Variants in SENP6 observed in about 807,000 individuals in gnomAD.
SENP6 encodes SUMO specific peptidase 6.
SENP6 carries 41 observed loss-of-function variants against 134.5 expected under a neutral mutation model. That is an observed-to-expected ratio of 0.30 (90% CI 0.24 to 0.40). SENP6 has a LOEUF of 0.40. Among genes scored for constraint, SENP6 ranks in the 10% least tolerant of loss-of-function variants. The pLI is 1.00. For missense variants in SENP6, 1,248 were observed against 1,312.5 expected (o/e 0.95, Z 0.76); for synonymous variants, 395 against 429.8 (o/e 0.92, Z 1.00).
intron 3 of SENP6, among the ~76,000 whole-genome samples, chr6:75,631,689 C>T (rs762083083): frequency 6.6e-6 from 1 of 152,180 alleles, no homozygotes; most frequent in South Asian, 2.1e-4. Context: ...TGTGCTACAA[C>T]AACAGATTTG....
intron 2 of SENP6, among the ~76,000 whole-genome samples, chr6:75,622,089 C>T (rs1362126732): frequency 6.6e-6 from 1 of 152,054 alleles, no homozygotes; most frequent in African/African-American, 2.4e-5. Context: ...AGATTCTCAC[C>T]AGAGAAAGCA....
intron 16 of SENP6, among the ~76,000 whole-genome samples, chr6:75,689,385 C>T (rs1017591150): frequency 1.3e-5 from 2 of 152,102 alleles, no homozygotes; most frequent in Non-Finnish European, 2.9e-5. Flanking sequence ...ACAGTGTCAT[C>T]TCACATCCAT....
At chr6:75,665,091 C>T (rs1772095038) in intron 9 of SENP6, among the ~76,000 whole-genome samples, 1 of 152,010 alleles carries the variant, frequency 6.6e-6, no homozygotes, top group Non-Finnish European at 1.5e-5. Context: ...TCAAGACCAT[C>T]CTGGTTAACA....
chr6:75,681,272 T>C (rs1245386413), intron 16 of SENP6, among the ~76,000 whole-genome samples: 1 of 152,084 alleles, frequency 6.6e-6, no homozygotes, highest in East Asian at 1.9e-4. Context: ...TTTATAAAAG[T>C]GTGTAGCACC....
At chr6:75,687,018 C>T (rs1773889863) in intron 16 of SENP6, among the ~76,000 whole-genome samples, 2 of 152,218 alleles carry the variant, frequency 1.3e-5, no homozygotes, top group South Asian at 4.1e-4. Context: ...TTCTCCCCGT[C>T]ACTTTCAGGT....
intron 6 of SENP6, among the ~76,000 whole-genome samples, chr6:75,644,475 CTTTT>C (rs71002753): frequency 7.0e-6 from 1 of 143,476 alleles, no homozygotes; most frequent in African/African-American, 2.6e-5. Flanking sequence ...TTCTTTCTTT[CTTTT>C]TTTTTTTTTT....
rs761665170 is a variant in SENP6 at position 75,695,916 on chromosome 6, A to C, written c.2188A>C (p.Asn730His). The C allele has an allele frequency of 6.3e-7, 1 of 1,597,170 alleles. No individual in the cohort carries two copies. The highest frequency in any genetic ancestry group is 1.7e-4 in the Middle Eastern group (1 of 5,950). ...AGAGAGGAGAAATCATGAAACAACT[A>C]ATCTGTCGTAAGTCAAACTCTGAAA... Reference protein sequence around the residue: ...QRERRNHETTNLSIQQKRHGR... With the variant: ...QRERRNHETTHLSIQQKRHGR... Residue 730 changes from asparagine to histidine, a missense_variant, in exon 17 of 24, where the codon AAT becomes CAT. By Grantham distance (68) the Asn-to-His change is moderately conservative. Around this residue, in one of 3 missense-constraint regions of SENP6, gnomAD observed 129 missense variants for 192.0 expected, o/e 0.67. Coordinates refer to ENST00000447266, the MANE Select transcript of SENP6 (RefSeq NM_015571.4).
intron 1 of SENP6, among the ~76,000 whole-genome samples, chr6:75,609,338 AAGC>A (rs1251109697): frequency 6.6e-6 from 1 of 152,232 alleles, no homozygotes; most frequent in Non-Finnish European, 1.5e-5. Context: ...TTTATTGATG[AAGC>A]AGCACTTTTA....
intron 3 of SENP6, among the ~76,000 whole-genome samples, chr6:75,631,316 A>G (rs763501379): frequency 6.6e-6 from 1 of 152,184 alleles, no homozygotes; most frequent in Non-Finnish European, 1.5e-5. Context: ...ATTTTCACAT[A>G]TTTAGTATTC....
chr6:75,705,729 A>T (rs978984392), intron 19 of SENP6, among the ~76,000 whole-genome samples: 2 of 147,562 alleles, frequency 1.4e-5, no homozygotes, highest in Admixed American at 6.8e-5. Flanking sequence ...TAGATCTAAT[A>T]CATTTTTCTT....
chr6:75,683,687 G>A (rs1217211102), intron 16 of SENP6, among the ~76,000 whole-genome samples: 2 of 152,178 alleles, frequency 1.3e-5, no homozygotes, highest in Non-Finnish European at 2.9e-5. Flanking sequence ...TGTCAGGTTT[G>A]TCAAAGATCA....
chr6:75,697,143 TA>T (rs1562062561), intron 17 of SENP6, among the ~76,000 whole-genome samples: 1 of 152,096 alleles, frequency 6.6e-6, no homozygotes, highest in Non-Finnish European at 1.5e-5. Context: ...TCTGCAGTAA[TA>T]AAAATAGTAA....
At chr6:75,698,145 TTGCATCAAG>T (rs1331175765) in intron 18 of SENP6, among the ~76,000 whole-genome samples, 4 of 152,178 alleles carry the variant, frequency 2.6e-5, no homozygotes, top group African/African-American at 9.7e-5. Flanking sequence ...GGTTTATCAC[TTGCATCAAG>T]GAATGACACA....
chr6:75,665,701 A>G (rs1772147014), intron 9 of SENP6, among the ~76,000 whole-genome samples: 1 of 152,236 alleles, frequency 6.6e-6, no homozygotes, highest in Non-Finnish European at 1.5e-5. Context: ...AGGACCAGTT[A>G]AGATTTTAGT....
At chr6:75,634,579 A>G in intron 4 of SENP6, 128 bp from the exon 5 acceptor site, 2 of 537,928 alleles carry the variant, frequency 3.7e-6, no homozygotes, top group South Asian at 5.5e-5. Context: ...AATTGGGTTT[A>G]TCCATAAATT....
chr6:75,688,546 C>T (rs567552401), intron 16 of SENP6, among the ~76,000 whole-genome samples: 6 of 152,062 alleles, frequency 3.9e-5, no homozygotes, highest in African/African-American at 9.7e-5. Flanking sequence ...CCCACCCCCC[C>T]GTCCAGGATT....
intron 16 of SENP6, among the ~76,000 whole-genome samples, chr6:75,687,712 C>T (rs747344200): frequency 6.6e-6 from 1 of 152,150 alleles, no homozygotes; most frequent in Non-Finnish European, 1.5e-5. Flanking sequence ...GAGTTCCACT[C>T]CAGACCAGCA....
rs1391102991 is a variant in SENP6, at chr6:75,695,811, G to A, written c.2083G>A (p.Val695Met). 1.3e-6 allele frequency: 2 copies of A among 1,584,920 alleles called. No homozygotes were observed. Among genetic ancestry groups the A allele is most frequent in the Non-Finnish European group, 8.6e-7 (1 of 1,165,834 alleles). Reference protein sequence around the residue: ...VIIDFYLKYLVLEKLKKEDAD... With the variant: ...VIIDFYLKYLMLEKLKKEDAD... ...TTATTTTCTATCAAATAGATACTTG[G>A]TGCTTGAAAAACTGAAGAAGGAAGA... Residue 695 changes from valine to methionine, a missense_variant, in exon 17 of 24, where the codon GTG becomes ATG. By Grantham distance (21) the Val-to-Met change is conservative (BLOSUM62 1). This residue lies in a region of SENP6 where 129 missense variants were observed against 192.0 expected (regional missense o/e 0.67). Transcript: ENST00000447266.
Position 75,716,760 on chromosome 6 carries a change from CAT to C in SENP6, c.*1169_*1170del, listed in dbSNP as rs1182386205. 5.3e-5 allele frequency: 8 copies of C among 151,832 alleles called. No homozygotes were observed. The highest frequency in any genetic ancestry group is 1.2e-4 in the African/African-American group (5 of 41,394). 9.4% of individuals were successfully genotyped at this position (151,832 alleles called of 1,614,324 possible). Reference sequence around the variant, plus strand: ...TTCAAATGAACTTTGAGACTTGAAACATATTTTAGTCATTTTTTGTTAAATAT... The same window carrying C: ...TTCAAATGAACTTTGAGACTTGAAACATTTTAGTCATTTTTTGTTAAATAT... On this transcript the variant is annotated 3_prime_UTR_variant, in exon 24 of 24. Transcript: ENST00000447266.
Sources: gnomAD v4.1 joint callset for allele counts (sites outside exome capture counted in the v4.1 genomes callset) on GRCh38, gnomAD v4.1.1 for gene constraint, gnomAD v4.1.1 regional missense constraint, MANE v1.5 for transcripts, NCBI Gene and HGNC (gene_info 2026-07-23, HGNC 2026-07-21) for gene names.